The following PLXDC2 variants were observed in gnomAD, a reference collection of about 807,000 sequenced individuals.
PLXDC2 encodes plexin domain containing 2.
In PLXDC2, 40 loss-of-function variants were observed where a neutral mutation model predicts 68.9. The ratio of observed to expected loss-of-function variants is 0.58; its 90% CI spans 0.45 to 0.76. The LOEUF is 0.76. Ranked by LOEUF, PLXDC2 falls within the 30% of genes least tolerant of loss-of-function variation. PLXDC2 has a pLI of 0.00. For synonymous variants in PLXDC2, 243 were observed against 234.2 expected (o/e 1.04, Z -0.34); for missense variants, 644 against 661.9 (o/e 0.97, Z 0.30).
chr10:20,274,770 A>G (rs939732332), intron 13 of PLXDC2, among the ~76,000 whole-genome samples: 3 of 152,006 alleles, frequency 2.0e-5, no homozygotes, highest in Non-Finnish European at 2.9e-5. Flanking sequence ...TGTTTTAATT[A>G]GATTGCTGGT....
chr10:20,253,960 G>A (rs1331761310), intron 13 of PLXDC2, among the ~76,000 whole-genome samples: 1 of 152,130 alleles, frequency 6.6e-6, no homozygotes, highest in Non-Finnish European at 1.5e-5. Context: ...TGAGTGGGCA[G>A]TATCCTTTCT....
chr10:19,909,397 C>T (rs1833226292), intron 1 of PLXDC2, among the ~76,000 whole-genome samples: 1 of 152,066 alleles, frequency 6.6e-6, no homozygotes, highest in Non-Finnish European at 1.5e-5. Flanking sequence ...TTGCATTATC[C>T]AAATGCAAGT....
Position 19,919,953 on chromosome 10 carries a change from G to A in PLXDC2, c.113-81822G>A, listed in dbSNP as rs1833431375. ...CAGAGTTGTTGATTTAGGAGGAATG[G>A]AGTAGAAAAGAAAACAAATGACAAC... On this transcript the variant is annotated intron_variant, in intron 1 of 13. Transcript: ENST00000377252. Among the ~76,000 whole-genome samples the A allele has an allele frequency of 3.9e-5, 6 of 152,248 alleles. No homozygotes were observed. The South Asian group carries it at 1.2e-3, about 32-fold the overall frequency.
At chr10:20,156,316 ACT>A (rs2131806372) in intron 6 of PLXDC2, among the ~76,000 whole-genome samples, 1 of 152,226 alleles carries the variant, frequency 6.6e-6, no homozygotes, top group South Asian at 2.1e-4. Context: ...CACACTTTTT[ACT>A]CTGTGTATGT....
At chr10:19,844,013 CAT>C (rs1836953802) in intron 1 of PLXDC2, among the ~76,000 whole-genome samples, 1 of 152,102 alleles carries the variant, frequency 6.6e-6, no homozygotes, top group Non-Finnish European at 1.5e-5. Flanking sequence ...ATATTCTACA[CAT>C]GTGACAAAAT....
chr10:20,254,138 T>A (rs1000955572), intron 13 of PLXDC2, among the ~76,000 whole-genome samples: 3 of 152,168 alleles, frequency 2.0e-5, no homozygotes, highest in African/African-American at 4.8e-5. Flanking sequence ...TCTTTTAAGC[T>A]TTTTTGCCAC....
At chr10:20,271,132 GACACACACAC>G (rs55677642) in intron 13 of PLXDC2, among the ~76,000 whole-genome samples, 4 of 97,856 alleles carry the variant, frequency 4.1e-5, no homozygotes, top group Middle Eastern at 7.0e-3. Flanking sequence ...ACAAAAAACA[GACACACACAC>G]ACACACACAC....
At chr10:20,183,700 C>T (rs1162190962) in intron 9 of PLXDC2, among the ~76,000 whole-genome samples, 2 of 152,000 alleles carry the variant, frequency 1.3e-5, no homozygotes, top group African/African-American at 4.8e-5. Flanking sequence ...AGATATTTTA[C>T]ACCTATGGTT....
chr10:20,213,688 C>G (rs1835099582), intron 10 of PLXDC2, among the ~76,000 whole-genome samples: 1 of 152,018 alleles, frequency 6.6e-6, no homozygotes. Context: ...ATTGAGTCAT[C>G]ATCAGAGAAC....
At chr10:20,028,123 A>T (rs7898634) in intron 2 of PLXDC2, among the ~76,000 whole-genome samples, 1 of 152,208 alleles carries the variant, frequency 6.6e-6, no homozygotes, top group African/African-American at 2.4e-5. Context: ...GTGTGTTGCA[A>T]TTTGGACATT....
rs1451605434 is a variant in PLXDC2, at chr10:20,284,692, G to A, written c.*4873G>A. ...AGATATAGTAATAGTCCCAGTGTCA[G>A]TAAACTGGGTCTTGAACTTAAATGT... On this transcript the variant is annotated 3_prime_UTR_variant, in exon 14 of 14. Coordinates refer to ENST00000377252, the MANE Select transcript of PLXDC2 (RefSeq NM_032812.9). 1.3e-5 allele frequency: 2 copies of A among 152,094 alleles called. No homozygotes were observed. The highest frequency in any genetic ancestry group is 2.9e-5 in the Non-Finnish European group (2 of 68,032). The allele number at this position is 152,094 out of a possible 1,614,324, so 9.4% of individuals were successfully genotyped here. A position where few individuals can be genotyped will look rare whatever the true frequency, so the allele number is the denominator to read the frequency against.
At chr10:20,161,453 CTTT>C (rs1220918119) in intron 6 of PLXDC2, among the ~76,000 whole-genome samples, 3 of 142,304 alleles carry the variant, frequency 2.1e-5, no homozygotes. Flanking sequence ...CTCTCTCTCT[CTTT>C]TTTTTTTTTT....
intron 13 of PLXDC2, among the ~76,000 whole-genome samples, chr10:20,260,581 G>GT (rs1835797092): frequency 6.6e-6 from 1 of 152,114 alleles, no homozygotes; most frequent in Non-Finnish European, 1.5e-5. Flanking sequence ...ACATGTTGTG[G>GT]TATCCATTCA....
At chr10:20,176,026 T>C (rs2131825303) in intron 7 of PLXDC2, among the ~76,000 whole-genome samples, 1 of 152,194 alleles carries the variant, frequency 6.6e-6, no homozygotes, top group Non-Finnish European at 1.5e-5. Flanking sequence ...TTTAAATGTT[T>C]TGTTGTGGTT....
intron 1 of PLXDC2, among the ~76,000 whole-genome samples, chr10:19,829,511 A>C (rs1836645104): frequency 6.6e-6 from 1 of 152,132 alleles, no homozygotes; most frequent in Admixed American, 6.6e-5. Context: ...TATCAACGAC[A>C]GGCCAGGCAC....
chr10:20,045,921 A>G (rs1835789584), intron 2 of PLXDC2, among the ~76,000 whole-genome samples: 1 of 152,162 alleles, frequency 6.6e-6, no homozygotes, highest in Non-Finnish European at 1.5e-5. Flanking sequence ...TCTCATCAAA[A>G]TTGCCTCTTA....
chr10:20,109,973 T>C (rs1833537547), intron 4 of PLXDC2, among the ~76,000 whole-genome samples: 1 of 152,180 alleles, frequency 6.6e-6, no homozygotes, highest in South Asian at 2.1e-4. Context: ...TCTGCTGCTT[T>C]TTCTCTCAGA....
chr10:20,226,952 A>G lies in PLXDC2; in HGVS notation c.1312+7850A>G, dbSNP rs1415845223. On this transcript the variant is annotated intron_variant, in intron 12 of 13. Coordinates refer to ENST00000377252, the MANE Select transcript of PLXDC2 (RefSeq NM_032812.9). ...GAATCTGAGATATATGAGGGGCCCCAGGAACAGGTTTTGTGTTACCCAATA... is the reference window on the plus strand; with the variant it reads ...GAATCTGAGATATATGAGGGGCCCCGGGAACAGGTTTTGTGTTACCCAATA... Among the ~76,000 whole-genome samples the G allele has an allele frequency of 3.3e-5, 5 of 151,474 alleles. No homozygotes were observed. In the East Asian group the frequency reaches 9.8e-4, roughly 30 times the overall value.
chr10:19,954,455 GGAGT>G (rs1834037094), intron 1 of PLXDC2, among the ~76,000 whole-genome samples: 1 of 152,068 alleles, frequency 6.6e-6, no homozygotes, highest in Non-Finnish European at 1.5e-5. Flanking sequence ...TTTGTAAAAT[GGAGT>G]AATTTATTAT....
Sources: allele counts gnomAD v4.1 joint callset (sites outside exome capture counted in the v4.1 genomes callset), GRCh38; gene constraint gnomAD v4.1.1; transcripts MANE v1.5; gene names NCBI Gene and HGNC (gene_info 2026-07-23, HGNC 2026-07-21).